The following AHCTF1 variants were observed in gnomAD, a reference collection of about 807,000 sequenced individuals.
AHCTF1 encodes AT-hook containing transcription factor 1, also known as protein ELYS.
In AHCTF1, 24 loss-of-function variants were observed where a neutral mutation model predicts 248.4. The ratio of observed to expected loss-of-function variants is 0.10; its 90% CI spans 0.07 to 0.14. The LOEUF (loss-of-function observed/expected upper bound fraction) is 0.14. AHCTF1 is among the 10% of genes least tolerant of loss of function. The pLI is 1.00. For synonymous variants in AHCTF1, 786 were observed against 929.8 expected (o/e 0.85, Z 2.81); for missense variants, 2,206 against 2,636.2 (o/e 0.84, Z 3.57).
chr1:246,899,117 CT>C (rs571885337), intron 11 of AHCTF1, among the ~76,000 whole-genome samples: 61 of 147,976 alleles, frequency 4.1e-4, no homozygotes, highest in East Asian at 1.6e-3. Context: ...TTTCAAAATT[CT>C]TTTTTTTTTT....
chr1:246,881,681 T>C (rs1411088176), intron 21 of AHCTF1, among the ~76,000 whole-genome samples: 2 of 151,290 alleles, frequency 1.3e-5, no homozygotes, highest in African/African-American at 2.4e-5. Flanking sequence ...CTACTAAAAA[T>C]ACAAAAATTA....
chr1:246,891,757 T>C, intron 15 of AHCTF1, 22 bp downstream of exon 15: 2 of 1,603,874 alleles, frequency 1.2e-6, no homozygotes, highest in Non-Finnish European at 1.7e-6. Flanking sequence ...AAAACACTCA[T>C]TTGATAAAAC....
At chr1:246,869,031 A>T (rs977437900) in intron 24 of AHCTF1, among the ~76,000 whole-genome samples, 7 of 151,352 alleles carry the variant, frequency 4.6e-5, no homozygotes, top group South Asian at 2.1e-4. Flanking sequence ...TTTTTAGTAG[A>T]GACGGGGTTT....
chr1:246,904,877 A>G (rs1431717022), intron 6 of AHCTF1, among the ~76,000 whole-genome samples: 1 of 152,136 alleles, frequency 6.6e-6, no homozygotes, highest in Non-Finnish European at 1.5e-5. Flanking sequence ...TTCACTCCTT[A>G]GTCCTTTGCT....
Position 246,850,833 on chromosome 1 carries a change from T to G in AHCTF1, c.5173A>C (p.Thr1725Pro), listed in dbSNP as rs1393631415. 1.9e-6 allele frequency: 3 copies of G among 1,613,794 alleles called. No homozygotes were observed. The highest frequency in any genetic ancestry group is 3.3e-5 in the Admixed American group (2 of 59,974). ...FKTAQETSTM[T>P]MNVSQVDDVV... ...TCATCAACCTGGCTGACATTCATAGTCATTGTGCTTGTTTCCTGAGCAGTC... is the reference window on the plus strand; with the variant it reads ...TCATCAACCTGGCTGACATTCATAGGCATTGTGCTTGTTTCCTGAGCAGTC... Residue 1725 changes from threonine to proline, a missense_variant, in exon 33 of 36, where the codon ACT becomes CCT. By Grantham distance (38) the Thr-to-Pro change is conservative (BLOSUM62 -1). Around this residue, in one of 6 missense-constraint regions of AHCTF1, gnomAD observed 955 missense variants for 1,055.6 expected, o/e 0.90. Transcript: ENST00000648844.
At chr1:246,892,416 G>C (rs1572425204) in intron 14 of AHCTF1, among the ~76,000 whole-genome samples, 1 of 141,820 alleles carries the variant, frequency 7.1e-6, no homozygotes, top group African/African-American at 2.7e-5. Flanking sequence ...TACCTCCCAG[G>C]TTCAAGGGAT....
At chr1:246,879,269 G>A (rs1663218500) in intron 21 of AHCTF1, among the ~76,000 whole-genome samples, 1 of 152,034 alleles carries the variant, frequency 6.6e-6, no homozygotes, top group South Asian at 2.1e-4. Context: ...GAGATGAAGA[G>A]ACAAAAAATA....
In AHCTF1 at chr1:246,851,372, A is replaced by G. The variant is rs1558212635; in HGVS notation, c.4634T>C (p.Leu1545Ser). Residue 1545 changes from leucine to serine, a missense_variant, in exon 33 of 36, where the codon TTA becomes TCA. Coordinates refer to ENST00000648844, the MANE Select transcript of AHCTF1 (RefSeq NM_001323342.2). Reference protein sequence around the residue: ...EEARNLSFNELYPSGTLKLQY... With the variant: ...EEARNLSFNESYPSGTLKLQY... ...AAGCTTAAGTGTTCCAGAGGGATATAACTCATTAAATGAAAGATTCCTAGC... is the reference window on the plus strand; with the variant it reads ...AAGCTTAAGTGTTCCAGAGGGATATGACTCATTAAATGAAAGATTCCTAGC... 1 of 1,613,946 alleles carries G rather than the reference A, an allele frequency of 6.2e-7. No individual in the cohort carries two copies. The highest frequency in any genetic ancestry group is 1.3e-5 in the African/African-American group (1 of 75,054).
chr1:246,855,916 G>C, intron 30 of AHCTF1, 89 bp from the exon 31 acceptor site: 1 of 851,624 alleles, frequency 1.2e-6, no homozygotes. Flanking sequence ...CTGTCATTTT[G>C]GTGATGTAAA....
At position 246,839,112 on chromosome 1, in the gene AHCTF1, G is replaced by T. The variant is rs1465238362; in HGVS notation, c.*1694C>A. On this transcript the variant is annotated 3_prime_UTR_variant, in exon 36 of 36. Coordinates refer to ENST00000648844, the MANE Select transcript of AHCTF1 (RefSeq NM_001323342.2). ...GTAGCAACACATTTTAATGAGCAGT[G>T]TTTTTATTCAAGCTATATAAAGACA... 6.6e-6 allele frequency: 1 copy of T among 152,088 alleles called. No homozygotes were observed. The highest frequency in any genetic ancestry group is 1.5e-5 in the Non-Finnish European group (1 of 68,022). The allele number at this position is 152,088 out of a possible 1,614,324, so 9.4% of individuals were successfully genotyped here. A position where few individuals can be genotyped will look rare whatever the true frequency, so the allele number is the denominator to read the frequency against.
At chr1:246,869,011 AC>A (rs1485441740) in intron 24 of AHCTF1, among the ~76,000 whole-genome samples, 18 of 151,092 alleles carry the variant, frequency 1.2e-4, no homozygotes, top group East Asian at 1.9e-4. Context: ...TGCCTGGCTA[AC>A]TTTTTCTATT....
At chr1:246,873,430 C>CT (rs1465981662) in intron 24 of AHCTF1, among the ~76,000 whole-genome samples, 1 of 152,112 alleles carries the variant, frequency 6.6e-6, no homozygotes, top group Non-Finnish European at 1.5e-5. Context: ...AGACAATACA[C>CT]TAGTCAATTT....
In AHCTF1 at chr1:246,900,266, A is replaced by G. The variant is rs1403775590; in HGVS notation, c.1251-20T>C. ...CCTGACCTAAAAGAAAATTTAAAAC[A>G]TTACTAAGTCATTGGTCAGCTACAC... On this transcript the variant is annotated intron_variant, in intron 9 of 35. Coordinates refer to ENST00000648844, the MANE Select transcript of AHCTF1 (RefSeq NM_001323342.2). 2 of 1,585,438 alleles carry G rather than the reference A, an allele frequency of 1.3e-6. No homozygotes were observed. The highest frequency in any genetic ancestry group is 1.7e-6 in the Non-Finnish European group (2 of 1,171,244).
In AHCTF1 at chr1:246,851,440, C is replaced by G. The variant is rs1429304005; in HGVS notation, c.4566G>C (p.Val1522=). Residue 1522 remains valine, a splice_region_variant and synonymous_variant, in exon 33 of 36, where the codon GTG becomes GTC. Coordinates refer to ENST00000648844, the MANE Select transcript of AHCTF1 (RefSeq NM_001323342.2). ...GAGCTTCAAGCTTTTCTTGTTCAAT[C>G]ACCTAAATGAATTAAAGATAAGAGA... ...DSPPDTQEIH[V]IEQEKLEAQD... is the part of the protein sequence containing the mutation. The G allele has an allele frequency of 1.3e-6, 2 of 1,598,162 alleles. No homozygotes were observed. The highest frequency in any genetic ancestry group is 1.8e-5 in the Admixed American group (1 of 56,438).
At chr1:246,888,266 T>C in intron 18 of AHCTF1, 33 bp from the exon 19 acceptor site, 1 of 1,613,296 alleles carries the variant, frequency 6.2e-7, no homozygotes, top group Non-Finnish European at 8.5e-7. Context: ...CTTCAGTGGA[T>C]CTTATACAGT....
rs1359268173 is a variant in AHCTF1, at chr1:246,861,031, C to T, written c.4000G>A (p.Val1334Ile). ...CTTTTGGGCTTAGAGGCCGTGAAAACAGTCTCTTCAAGGTCTTCCGGTGAC... is the reference window on the plus strand; with the variant it reads ...CTTTTGGGCTTAGAGGCCGTGAAAATAGTCTCTTCAAGGTCTTCCGGTGAC... ...APSPEDLEET[V>I]FTASKPKSSS... The change falls in exon 29 of 36, where the codon GTT becomes ATT. Residue 1334 changes from valine to isoleucine, a missense_variant. Around this residue, in one of 6 missense-constraint regions of AHCTF1, gnomAD observed 955 missense variants for 1,055.6 expected, o/e 0.90. Coordinates refer to ENST00000648844, the MANE Select transcript of AHCTF1 (RefSeq NM_001323342.2). 15 of 1,613,840 alleles carry T rather than the reference C, an allele frequency of 9.3e-6. No homozygotes were observed. The African/African-American group carries it at 1.6e-4, about 17-fold the overall frequency.
rs556728227 is a variant in AHCTF1 at position 246,850,284 on chromosome 1, T to C, written c.5722A>G (p.Ser1908Gly). ...TTTTCAGAAGCATCTAAATTAGTACTTCTCAATTTTCTGATCATTCTGCTA... is the reference window on the plus strand; with the variant it reads ...TTTTCAGAAGCATCTAAATTAGTACCTCTCAATTTTCTGATCATTCTGCTA... ...SPSRMIRKLR[S>G]TNLDASENTG... Residue 1908 changes from serine (S) to glycine (G), a missense_variant, in exon 33 of 36, where the codon AGT becomes GGT. Ser to Gly is a moderately conservative substitution (Grantham distance 56, BLOSUM62 0). This residue lies in a region of AHCTF1 where 469 missense variants were observed against 470.0 expected (regional missense o/e 1.00). Transcript: ENST00000648844. 1.1e-5 allele frequency: 18 copies of C among 1,613,974 alleles called. No homozygotes were observed. The Middle Eastern group carries it at 5.0e-4, about 44-fold the overall frequency.
At chr1:246,902,455 T>C in intron 8 of AHCTF1, 70 bp downstream of exon 8, 2 of 1,533,018 alleles carry the variant, frequency 1.3e-6, no homozygotes, top group Non-Finnish European at 1.8e-6. Context: ...GTATGAAATC[T>C]AGAAAATAAC....
At chr1:246,921,802 T>C (rs1280838308) in intron 1 of AHCTF1, among the ~76,000 whole-genome samples, 1 of 152,202 alleles carries the variant, frequency 6.6e-6, no homozygotes, top group Non-Finnish European at 1.5e-5. Flanking sequence ...AAATATGTTT[T>C]TAGACAAAAA....
Sources: gnomAD v4.1 joint callset for allele counts (sites outside exome capture counted in the v4.1 genomes callset) on GRCh38, gnomAD v4.1.1 for gene constraint, gnomAD v4.1.1 regional missense constraint, MANE v1.5 for transcripts, NCBI Gene and HGNC (gene_info 2026-07-23, HGNC 2026-07-21) for gene names.